Variants in PGLYRP1 observed in about 807,000 individuals in gnomAD.
PGLYRP1 encodes the protein peptidoglycan recognition protein 1.
A neutral mutation model predicts 16.3 loss-of-function variants in PGLYRP1; 18 were observed. The ratio of observed to expected loss-of-function variants is 1.11; its 90% CI spans 0.77 to 1.64. The LOEUF is 1.64. PGLYRP1 is among the 40% of genes most tolerant of loss of function. The pLI is 0.00. For missense variants in PGLYRP1, 261 were observed against 268.6 expected (o/e 0.97, Z 0.20); for synonymous variants, 89 against 105.7 (o/e 0.84, Z 0.97).
At chr19:46,022,633 G>A (rs1253176068) in intron 1 of PGLYRP1, 102 bp downstream of exon 1, 1 of 1,325,210 alleles carries the variant, frequency 7.5e-7, no homozygotes, top group Admixed American at 1.9e-5. Context: ...TGTCAGCCAG[G>A]TGGCCTCAGC....
intron 1 of PGLYRP1, among the ~76,000 whole-genome samples, chr19:46,020,608 A>G (rs1182946901): frequency 6.6e-6 from 1 of 152,124 alleles, no homozygotes; most frequent in Non-Finnish European, 1.5e-5. Context: ...CCGACCCTGG[A>G]GCCCCAGCAC....
Position 46,022,716 on chromosome 19 carries a change from G to T in PGLYRP1, c.287+19C>A. Reference sequence around the variant, plus strand: ...CTCTGGGATCCCCAGTCCAGCCCGTGCCCCCCTGCCACACTCACTTGTAGC... The same window carrying T: ...CTCTGGGATCCCCAGTCCAGCCCGTTCCCCCCTGCCACACTCACTTGTAGC... On this transcript the variant is annotated intron_variant, in intron 1 of 2. Coordinates refer to ENST00000008938, the MANE Select transcript of PGLYRP1 (RefSeq NM_005091.3). The T allele has an allele frequency of 6.2e-7, 1 of 1,613,194 alleles. No individual in the cohort carries two copies. Among genetic ancestry groups the T allele is most frequent in the South Asian group, 1.1e-5 (1 of 90,980 alleles).
rs1466726997 is a variant in PGLYRP1, at chr19:46,022,925, T to C, written c.97A>G (p.Ile33Val). ...ETEDPACCSP[I>V]VPRNEWKALA... ...GCCTTCCACTCGTTCCGGGGCACTATGGGGCTGCAGCAGGCCGGGTCTTCT... is the reference window on the plus strand; with the variant it reads ...GCCTTCCACTCGTTCCGGGGCACTACGGGGCTGCAGCAGGCCGGGTCTTCT... The change falls in exon 1 of 3, where the codon ATA (isoleucine) becomes GTA (valine). Residue 33 changes from isoleucine (I) to valine (V), a missense_variant. Ile to Val is a conservative substitution (Grantham distance 29, BLOSUM62 3). Transcript: ENST00000008938. The C allele has an allele frequency of 3.1e-6, 5 of 1,611,338 alleles. No homozygotes were observed. Among genetic ancestry groups the C allele is most frequent in the Non-Finnish European group, 4.2e-6 (5 of 1,178,868 alleles).
chr19:46,020,627 T>C (rs1465291276), intron 1 of PGLYRP1, among the ~76,000 whole-genome samples: 1 of 152,100 alleles, frequency 6.6e-6, no homozygotes. Context: ...ACCTGCCTCT[T>C]TGAGGTTCCC....
In PGLYRP1 at chr19:46,022,987, A is replaced by G; in HGVS notation, c.35T>C (p.Leu12Pro). ...SRRSMLLAWA[L>P]PSLLRLGAAQ... ...CGCTCCGAGTCGAAGGAGGCTGGGG[A>G]GAGCCCAGGCAAGCAGCATAGAGCG... The change falls in exon 1 of 3, where the codon CTC becomes CCC. Residue 12 changes from leucine (L) to proline (P), a missense_variant. By Grantham distance (98) the Leu-to-Pro change is moderately conservative. Coordinates refer to ENST00000008938, the MANE Select transcript of PGLYRP1 (RefSeq NM_005091.3). The G allele has an allele frequency of 6.3e-7, 1 of 1,593,488 alleles. No homozygotes were observed. Among genetic ancestry groups the G allele is most frequent in the Admixed American group, 1.7e-5 (1 of 57,598 alleles).
Position 46,019,309 on chromosome 19 carries a change from G to A in PGLYRP1, c.520C>T (p.Gln174Ter), listed in dbSNP as rs1969017316. The A allele has an allele frequency of 6.2e-7, 1 of 1,613,782 alleles. No homozygotes were observed. Among genetic ancestry groups the A allele is most frequent in the African/African-American group, 1.3e-5 (1 of 74,856 alleles). ...TGGTTGCCTGGAGAGAGTGTACGCT[G>A]CACATCCCGGTGTCCTTTGAGCACA... Reference protein sequence around the residue: ...NYVLKGHRDVQRTLSPGNQLY... With the variant: ...NYVLKGHRDV Residue 174 changes from glutamine to a stop codon, truncating the protein, a stop_gained, in exon 3 of 3, where the codon CAG becomes TAG. Transcript: ENST00000008938. LOFTEE classifies it low-confidence loss of function (END_TRUNC). This position sits in a 1 kb window ranked among gnomAD's most constrained non-coding sequence, Gnocchi z 4.8.
Position 46,022,727 on chromosome 19 carries a change from A to G in PGLYRP1, c.287+8T>C, listed in dbSNP as rs1969058530. 6.2e-7 allele frequency: 1 copy of G among 1,613,824 alleles called. No homozygotes were observed. Among genetic ancestry groups the G allele is most frequent in the South Asian group, 1.1e-5 (1 of 91,058 alleles). On this transcript the variant is annotated splice_region_variant and intron_variant, in intron 1 of 2. Coordinates refer to ENST00000008938, the MANE Select transcript of PGLYRP1 (RefSeq NM_005091.3). ...CCAGTCCAGCCCGTGCCCCCCTGCC[A>G]CACTCACTTGTAGCCCACGTCGCAC...
intron 1 of PGLYRP1, among the ~76,000 whole-genome samples, chr19:46,021,539 T>G (rs750046446): frequency 6.6e-6 from 1 of 152,152 alleles, no homozygotes; most frequent in Non-Finnish European, 1.5e-5. Flanking sequence ...GTTCCCTCCC[T>G]GTGGAAACCG....
chr19:46,022,028 C>G (rs1038295442), intron 1 of PGLYRP1, among the ~76,000 whole-genome samples: 1 of 151,876 alleles, frequency 6.6e-6, no homozygotes, highest in African/African-American at 2.4e-5. Context: ...TCCCTCACCT[C>G]TTTCCTTTTA....
chr19:46,021,866 C>T (rs1969048162), intron 1 of PGLYRP1, among the ~76,000 whole-genome samples: 1 of 152,208 alleles, frequency 6.6e-6, no homozygotes, highest in Non-Finnish European at 1.5e-5. Flanking sequence ...CCCACTCAAC[C>T]CCGTTGGCTT....
At position 46,019,486 on chromosome 19, in the gene PGLYRP1, C is replaced by T. The variant is rs746847030; in HGVS notation, c.409+40G>A. 5.7e-5 allele frequency: 92 copies of T among 1,612,646 alleles called. No individual in the cohort carries two copies. The South Asian group carries it at 7.5e-4, about 13-fold the overall frequency. Reference sequence around the variant, plus strand: ...AAGGGGAAGTGATAGCGTAGGGCCCCGTGTCAGCCCCCATCCCAACTGGCT... The same window carrying T: ...AAGGGGAAGTGATAGCGTAGGGCCCTGTGTCAGCCCCCATCCCAACTGGCT... On this transcript the variant is annotated intron_variant, in intron 2 of 2. Coordinates refer to ENST00000008938, the MANE Select transcript of PGLYRP1 (RefSeq NM_005091.3). This position sits in a 1 kb window ranked among gnomAD's most constrained non-coding sequence, Gnocchi z 4.8.
chr19:46,019,457 C>T lies in PGLYRP1; in HGVS notation c.410-38G>A. The T allele has an allele frequency of 6.2e-7, 1 of 1,612,114 alleles. No individual in the cohort carries two copies. Among genetic ancestry groups the T allele is most frequent in the East Asian group, 2.2e-5 (1 of 44,836 alleles). ...GAGGTAGGAGTCAGGCAGGGGCTTC[C>T]CCGAAGGGGAAGTGATAGCGTAGGG... is the stretch of plus-strand genomic sequence containing the variant. On this transcript the variant is annotated intron_variant, in intron 2 of 2. Coordinates refer to ENST00000008938, the MANE Select transcript of PGLYRP1 (RefSeq NM_005091.3). This position sits in a 1 kb window ranked among gnomAD's most constrained non-coding sequence, Gnocchi z 4.8.
At chr19:46,022,528 C>T (rs1056408685) in intron 1 of PGLYRP1, among the ~76,000 whole-genome samples, 1 of 152,284 alleles carries the variant, frequency 6.6e-6, no homozygotes, top group Non-Finnish European at 1.5e-5. Context: ...CCCATCCCCC[C>T]TTCTCACGCA....
chr19:46,019,463 G>A lies in PGLYRP1; in HGVS notation c.410-44C>T, dbSNP rs1217628785. The A allele has an allele frequency of 3.7e-6, 6 of 1,612,260 alleles. No individual in the cohort carries two copies. Among genetic ancestry groups the A allele is most frequent in the South Asian group, 2.2e-5 (2 of 91,012 alleles). ...GGAGTCAGGCAGGGGCTTCCCCGAAGGGGAAGTGATAGCGTAGGGCCCCGT... is the reference window on the plus strand; with the variant it reads ...GGAGTCAGGCAGGGGCTTCCCCGAAAGGGAAGTGATAGCGTAGGGCCCCGT... On this transcript the variant is annotated intron_variant, in intron 2 of 2. Transcript: ENST00000008938. The surrounding 1 kb of genome is among the most constrained non-coding windows in gnomAD (Gnocchi z 4.8).
intron 1 of PGLYRP1, chr19:46,021,184 G>C (rs758306437): frequency 6.6e-6 from 1 of 152,236 alleles, no homozygotes; most frequent in Non-Finnish European, 1.5e-5. Flanking sequence ...GCCAGACAGC[G>C]GCTGCTTCTG....
chr19:46,021,442 T>A (rs1969043172), intron 1 of PGLYRP1: 2 of 152,270 alleles, frequency 1.3e-5, no homozygotes, highest in South Asian at 4.1e-4. Context: ...TCTATTGAAG[T>A]GGTCTCTGGG....
Position 46,019,348 on chromosome 19 carries a change from G to T in PGLYRP1, c.481C>A (p.Leu161Met). 6.2e-7 allele frequency: 1 copy of T among 1,613,860 alleles called. No individual in the cohort carries two copies. Among genetic ancestry groups the T allele is most frequent in the Non-Finnish European group, 8.5e-7 (1 of 1,179,918 alleles). Reference sequence around the variant, plus strand: ...CCTTTGAGCACATAGTTGGACCTCAGGGCTCCCTGAGCCACACCGCAGGCC... The same window carrying T: ...CCTTTGAGCACATAGTTGGACCTCATGGCTCCCTGAGCCACACCGCAGGCC... ...LLACGVAQGA[L>M]RSNYVLKGHR... The change falls in exon 3 of 3, where the codon CTG becomes ATG. Residue 161 changes from leucine to methionine, a missense_variant. Coordinates refer to ENST00000008938, the MANE Select transcript of PGLYRP1 (RefSeq NM_005091.3). This position sits in a 1 kb window ranked among gnomAD's most constrained non-coding sequence, Gnocchi z 4.8.
chr19:46,019,687 GT>G lies in PGLYRP1; in HGVS notation c.288-41del. The G allele has an allele frequency of 6.3e-7, 1 of 1,591,884 alleles. No homozygotes were observed. On this transcript the variant is annotated intron_variant, in intron 1 of 2. Coordinates refer to ENST00000008938, the MANE Select transcript of PGLYRP1 (RefSeq NM_005091.3). The surrounding 1 kb of genome is among the most constrained non-coding windows in gnomAD (Gnocchi z 4.8). ...GGGGGGGCTTGATGAGTGAGGGAGG[GT>G]TTCCCGAGGAGGACTCCTCCTCCTT...
chr19:46,019,515 CAGTCACTCACCCATGT>C lies in PGLYRP1; in HGVS notation c.404_409+10del. 9 of 1,613,686 alleles carry C rather than the reference CAGTCACTCACCCATGT, an allele frequency of 5.6e-6. No homozygotes were observed. The highest frequency in any genetic ancestry group is 7.6e-6 in the Non-Finnish European group (9 of 1,179,766). ...TCAGCCCCCATCCCAACTGGCTGGA[CAGTCACTCACCCATGT>C]AGTTGCCCATGAAGCTGATGCCAAT... On this transcript the variant is annotated splice_donor_variant and splice_donor_5th_base_variant and coding_sequence_variant and intron_variant, in exon 2 of 3. Coordinates refer to ENST00000008938, the MANE Select transcript of PGLYRP1 (RefSeq NM_005091.3). LOFTEE classifies it high-confidence loss of function. This position sits in a 1 kb window ranked among gnomAD's most constrained non-coding sequence, Gnocchi z 4.8.
Sources: allele counts gnomAD v4.1 joint callset (sites outside exome capture counted in the v4.1 genomes callset), GRCh38; gene constraint gnomAD v4.1.1; non-coding constraint Gnocchi (gnomAD v3.1); transcripts MANE v1.5; gene names NCBI Gene and HGNC (gene_info 2026-07-23, HGNC 2026-07-21).